ATP13A1: variants seen among roughly 807,000 people sequenced by gnomAD.
The protein encoded by ATP13A1 is ATPase 13A1, also known as endoplasmic reticulum transmembrane helix translocase.
In ATP13A1, 55 loss-of-function variants were observed where a neutral mutation model predicts 134.8. The ratio of observed to expected loss-of-function variants is 0.41; its 90% CI spans 0.33 to 0.51. The LOEUF (loss-of-function observed/expected upper bound fraction) is 0.51, where lower values mean the gene tolerates loss of function less well. Among genes scored for constraint, ATP13A1 ranks in the 20% least tolerant of loss-of-function variants. The probability of loss-of-function intolerance (pLI) is 0.29; values close to 1 mark genes in which losing one functional copy is unlikely to be tolerated. For missense variants in ATP13A1, 1,389 were observed against 1,652.8 expected (o/e 0.84, Z 2.77); for synonymous variants, 775 against 725.1 (o/e 1.07, Z -1.10).
In ATP13A1 at chr19:19,657,381, C is replaced by CCTT; in HGVS notation, c.704_705insAAG (p.Ser235_Glu236insArg). The stretch of plus-strand genomic sequence containing the variant: ...CTGTGGCTCTCTCCTTGAAAAGCTC[C>CCTT]GAGAAGTCAGGCACCACCATCTCGG... On this transcript the variant is annotated inframe_insertion, in exon 4 of 26. Coordinates refer to ENST00000357324, the MANE Select transcript of ATP13A1 (RefSeq NM_020410.3). The CCTT allele has an allele frequency of 6.4e-7, 1 of 1,573,810 alleles. No individual in the cohort carries two copies. The highest frequency in any genetic ancestry group is 8.6e-7 in the Non-Finnish European group (1 of 1,159,252).
chr19:19,661,314 G>C (rs1287651044), intron 1 of ATP13A1, among the ~76,000 whole-genome samples: 4 of 152,092 alleles, frequency 2.6e-5, no homozygotes, highest in South Asian at 4.1e-4. Context: ...CTCCTGCTCA[G>C]CTCTGCCTCT....
In ATP13A1 at chr19:19,649,622, G is replaced by A. The variant is rs759762228; in HGVS notation, c.2577C>T (p.Thr859=). 11 of 1,613,910 alleles carry A rather than the reference G, an allele frequency of 6.8e-6. No homozygotes were observed. The highest frequency in any genetic ancestry group is 9.3e-6 in the Non-Finnish European group (11 of 1,179,848). The change falls in exon 19 of 26, where the codon ACC becomes ACT. Residue 859 remains threonine (T), a synonymous_variant. Coordinates refer to ENST00000357324, the MANE Select transcript of ATP13A1 (RefSeq NM_020410.3). ...CGTTGGTGCCATCCCCACACATGAG[G>A]GTCACGTAGCCCAGCTCCTTCAGGC... ...ITSLKELGYV[T]LMCGDGTNDV...
intron 3 of ATP13A1, among the ~76,000 whole-genome samples, chr19:19,657,914 C>T (rs60101043): frequency 0.059 from 8,938 of 151,836 alleles, 880 homozygotes; most frequent in African/African-American, 0.21. Flanking sequence ...TTTGGGAGGC[C>T]GAGGCAGGAG....
chr19:19,645,599 G>T lies in ATP13A1; in HGVS notation c.3504+48C>A. 6.4e-7 allele frequency: 1 copy of T among 1,560,918 alleles called. No individual in the cohort carries two copies. Among genetic ancestry groups the T allele is most frequent in the South Asian group, 1.2e-5 (1 of 84,858 alleles). ...CCAGCTCAGGGTCACTGCCATAGGA[G>T]GGACCCATCAAGCTGAGCCCCAGGG... On this transcript the variant is annotated intron_variant, in intron 25 of 25. Transcript: ENST00000357324. The surrounding 1 kb of genome is among the most constrained non-coding windows in gnomAD (Gnocchi z 4.1).
In ATP13A1 at chr19:19,646,614, G is replaced by C. The variant is rs2061987864; in HGVS notation, c.3106-267C>G. On this transcript the variant is annotated intron_variant, in intron 22 of 25. Transcript: ENST00000357324. ...GCCTGAGAATCATGAAGCAGATCCT[G>C]CCCTCCCTGGAGCCCACGGGACAGG... 3 of 524,080 alleles carry C rather than the reference G, an allele frequency of 5.7e-6. No individual in the cohort carries two copies. In the Admixed American group the frequency reaches 9.6e-5, roughly 17 times the overall value. The allele number at this position is 524,080 out of a possible 1,614,324, so 32.5% of individuals were successfully genotyped here.
At position 19,647,172 on chromosome 19, in the gene ATP13A1, C is replaced by G; in HGVS notation, c.3062G>C (p.Gly1021Ala). 6.2e-7 allele frequency: 1 copy of G among 1,613,736 alleles called. No homozygotes were observed. Residue 1021 changes from glycine (G) to alanine (A), a missense_variant, in exon 22 of 26, where the codon GGG (glycine) becomes GCG (alanine). Physicochemically the swap from Gly to Ala is moderately conservative, Grantham distance 60. Coordinates refer to ENST00000357324, the MANE Select transcript of ATP13A1 (RefSeq NM_020410.3). The surrounding 1 kb of genome is among the most constrained non-coding windows in gnomAD (Gnocchi z 4.8). ...GAGGAAGCAGCCGGCCAGCAGCAGC[C>G]CCTGTAGGGTGGCCTGGAAGTCACT... is the stretch of plus-strand genomic sequence containing the variant. ...KFSDFQATLQ[G>A]LLLAGCFLFI...
chr19:19,659,442 C>T (rs1217230813), intron 3 of ATP13A1, among the ~76,000 whole-genome samples, 159 bp downstream of exon 3: 3 of 151,312 alleles, frequency 2.0e-5, no homozygotes, highest in Admixed American at 6.6e-5. Context: ...GGTGACAGAG[C>T]GAGACTCAGT....
chr19:19,646,115 A>G (rs113735355), intron 23 of ATP13A1, 90 bp downstream of exon 23: 36,987 of 1,599,444 alleles, frequency 0.023, 540 homozygotes, highest in South Asian at 0.031. Flanking sequence ...CACCCTGGAC[A>G]ACCCCCAGCC....
Position 19,654,066 on chromosome 19 carries a change from T to C in ATP13A1, c.1892A>G (p.Lys631Arg). 1 of 1,596,058 alleles carries C rather than the reference T, an allele frequency of 6.3e-7. No homozygotes were observed. The change falls in exon 14 of 26, where the codon AAG becomes AGG. Residue 631 changes from lysine to arginine, a missense_variant. By Grantham distance (26) the Lys-to-Arg change is conservative (BLOSUM62 2). Coordinates refer to ENST00000357324, the MANE Select transcript of ATP13A1 (RefSeq NM_020410.3). ...HQRFHFASAL[K>R]RMSVLASYEK... ...ATACGAGGCAAGCACGGACATTCGC[T>C]TCAGGGCACTGGCAAAATGAAAGCG...
In ATP13A1 at chr19:19,653,060, C is replaced by A; in HGVS notation, c.2101-340G>T. ...GTTGGAGTTTAGCCAGGAACTCTTA[C>A]TCACTGGGGCTCCACCACATACCAC... On this transcript the variant is annotated intron_variant, in intron 15 of 25. Coordinates refer to ENST00000357324, the MANE Select transcript of ATP13A1 (RefSeq NM_020410.3). The surrounding 1 kb of genome is among the most constrained non-coding windows in gnomAD (Gnocchi z 4.2). 3.5e-6 allele frequency: 1 copy of A among 281,810 alleles called. No individual in the cohort carries two copies. The highest frequency in any genetic ancestry group is 6.8e-6 in the Non-Finnish European group (1 of 146,178). 17.5% of individuals were successfully genotyped at this position (281,810 alleles called of 1,614,324 possible). A position where few individuals can be genotyped will look rare whatever the true frequency, so the allele number is the denominator to read the frequency against.
chr19:19,653,635 T>A lies in ATP13A1; in HGVS notation c.2100+149A>T. ...CAGCAGTGGACAGACTGAGTGCCAT[T>A]TGGAGTCTCCAAAGGTAGAAGCTGG... On this transcript the variant is annotated intron_variant, in intron 15 of 25. Transcript: ENST00000357324. This position sits in a 1 kb window ranked among gnomAD's most constrained non-coding sequence, Gnocchi z 4.2. 1 of 744,300 alleles carries A rather than the reference T, an allele frequency of 1.3e-6. No individual in the cohort carries two copies. Among genetic ancestry groups the A allele is most frequent in the Non-Finnish European group, 2.2e-6 (1 of 463,076 alleles). 46.1% of individuals were successfully genotyped at this position (744,300 alleles called of 1,614,324 possible). A position where few individuals can be genotyped will look rare whatever the true frequency, so the allele number is the denominator to read the frequency against.
At chr19:19,658,708 C>G (rs950962666) in intron 3 of ATP13A1, among the ~76,000 whole-genome samples, 1 of 152,090 alleles carries the variant, frequency 6.6e-6, no homozygotes, top group African/African-American at 2.4e-5. Flanking sequence ...GGGTGTGCAC[C>G]GCACATTGGC....
At chr19:19,646,143 T>C (rs1363311144) in intron 23 of ATP13A1, 62 bp downstream of exon 23, 2 of 1,609,268 alleles carry the variant, frequency 1.2e-6, no homozygotes, top group Admixed American at 1.7e-5. Context: ...CTGAAGTCTG[T>C]GGAGTCATCC....
In ATP13A1 at chr19:19,647,049, G is replaced by A. The variant is rs992667420; in HGVS notation, c.3105+80C>T. 3.5e-6 allele frequency: 5 copies of A among 1,441,988 alleles called. No individual in the cohort carries two copies. The African/African-American group carries it at 7.1e-5, about 20-fold the overall frequency. The allele number at this position is 1,441,988 out of a possible 1,614,324, so 89.3% of individuals were successfully genotyped here. A position where few individuals can be genotyped will look rare whatever the true frequency, so the allele number is the denominator to read the frequency against. On this transcript the variant is annotated intron_variant, in intron 22 of 25. Transcript: ENST00000357324. This position sits in a 1 kb window ranked among gnomAD's most constrained non-coding sequence, Gnocchi z 4.8. The stretch of plus-strand genomic sequence containing the variant: ...GGGGCCCTGGGTCCTGTAACTTGGG[G>A]ATGACAATTCCCGTGCCTATATCAG...
chr19:19,663,650 G>T lies in ATP13A1; in HGVS notation c.17C>A (p.Ala6Glu), dbSNP rs536177323. Residue 6 changes from alanine (A) to glutamate (E), a missense_variant, in exon 1 of 26, where the codon GCG becomes GAG. Around this residue, in one of 4 missense-constraint regions of ATP13A1, gnomAD observed 293 missense variants for 270.8 expected, o/e 1.08. Transcript: ENST00000357324. MAAAAAVGNAVPCGAR... is the reference protein window; with the variant it reads MAAAAEVGNAVPCGAR... ...CCCGCAGGGCACCGCGTTGCCCACC[G>T]CCGCCGCTGCCGCCATCTTTCCTAG... 6.2e-6 allele frequency: 8 copies of T among 1,287,708 alleles called. No individual in the cohort carries two copies. Among genetic ancestry groups the T allele is most frequent in the South Asian group, 2.4e-5 (1 of 40,962 alleles). The allele number at this position is 1,287,708 out of a possible 1,614,324, so 79.8% of individuals were successfully genotyped here. A position where few individuals can be genotyped will look rare whatever the true frequency, so the allele number is the denominator to read the frequency against.
chr19:19,654,077 G>A lies in ATP13A1; in HGVS notation c.1881C>T (p.Ala627=), dbSNP rs1202693239. 1 of 1,593,884 alleles carries A rather than the reference G, an allele frequency of 6.3e-7. No individual in the cohort carries two copies. The highest frequency in any genetic ancestry group is 1.8e-5 in the Admixed American group (1 of 56,648). The change falls in exon 14 of 26, where the codon GCC becomes GCT. Residue 627 remains alanine (A), a synonymous_variant. Transcript: ENST00000357324. ...GLKIHQRFHF[A]SALKRMSVLA... ...GCACGGACATTCGCTTCAGGGCACT[G>A]GCAAAATGAAAGCGCTGGTGAATTT...
In ATP13A1 at chr19:19,654,533, A is replaced by C. The variant is rs778963277; in HGVS notation, c.1813+10T>G. On this transcript the variant is annotated intron_variant, in intron 13 of 25. Transcript: ENST00000357324. ...TCCCCCTTGCTGGGCCTGAGGCCCC[A>C]GCCCCTCACCTTTGGTCAGCGTCCA... 1.8e-5 allele frequency: 28 copies of C among 1,595,822 alleles called. No individual in the cohort carries two copies. In the African/African-American group the frequency reaches 3.6e-4, roughly 21 times the overall value.
At position 19,645,704 on chromosome 19, in the gene ATP13A1, G is replaced by A. The variant is rs374676055; in HGVS notation, c.3447C>T (p.Leu1149=). Residue 1149 remains leucine, a synonymous_variant, in exon 25 of 26, where the codon CTC becomes CTT. Coordinates refer to ENST00000357324, the MANE Select transcript of ATP13A1 (RefSeq NM_020410.3). This position sits in a 1 kb window ranked among gnomAD's most constrained non-coding sequence, Gnocchi z 4.1. ...TGTTGAAGTCGGGCGAGGAGCCGAG[G>A]AGCAGGCCAATGATGGCCAGGAGTG... ...AVSLLAIIGL[L]LGSSPDFNSQ... 6.3e-7 allele frequency: 1 copy of A among 1,587,544 alleles called. No homozygotes were observed. Among genetic ancestry groups the A allele is most frequent in the Non-Finnish European group, 8.6e-7 (1 of 1,167,426 alleles).
Position 19,645,587 on chromosome 19 carries a change from AC to A in ATP13A1, c.3505-56del. Reference sequence around the variant, plus strand: ...GAGACCTGCAGCCCAGCTCAGGGTCACTGCCATAGGAGGGACCCATCAAGCT... The same window carrying A: ...GAGACCTGCAGCCCAGCTCAGGGTCATGCCATAGGAGGGACCCATCAAGCT... On this transcript the variant is annotated intron_variant, in intron 25 of 25. Coordinates refer to ENST00000357324, the MANE Select transcript of ATP13A1 (RefSeq NM_020410.3). This position sits in a 1 kb window ranked among gnomAD's most constrained non-coding sequence, Gnocchi z 4.1. 1 of 1,561,802 alleles carries A rather than the reference AC, an allele frequency of 6.4e-7. No individual in the cohort carries two copies. Among genetic ancestry groups the A allele is most frequent in the Admixed American group, 1.9e-5 (1 of 51,656 alleles).
Sources: gnomAD v4.1 joint callset for allele counts (sites outside exome capture counted in the v4.1 genomes callset) on GRCh38, gnomAD v4.1.1 for gene constraint, gnomAD v4.1.1 regional missense constraint, Gnocchi (gnomAD v3.1) non-coding constraint, MANE v1.5 for transcripts, NCBI Gene and HGNC (gene_info 2026-07-23, HGNC 2026-07-21) for gene names.